Variants in ZNF487 observed in about 807,000 individuals in gnomAD.
ZNF487 encodes the protein KRAB domain only 1.
Under a neutral mutation model 3.0 loss-of-function variants are expected in ZNF487, and 4 were observed. The observed-to-expected ratio is 1.35, with a 90% CI of 0.66 to 3.08. The LOEUF (loss-of-function observed/expected upper bound fraction) is 3.08, where lower values mean the gene tolerates loss of function less well. ZNF487 is among the 30% of genes most tolerant of loss of function. The pLI is 0.01. For synonymous variants in ZNF487, 55 were observed against 34.6 expected (o/e 1.59, Z -2.06); for missense variants, 146 against 98.7 (o/e 1.48, Z -2.03).
chr10:43,459,612 G>A (rs1022567976), intron 1 of ZNF487, among the ~76,000 whole-genome samples: 2 of 151,890 alleles, frequency 1.3e-5, no homozygotes, highest in African/African-American at 4.8e-5. Context: ...ACTCTGTCAC[G>A]CAGTCTGGAG....
At chr10:43,493,679 CCCTT>C in the ZNF487 span, among the ~76,000 whole-genome samples, 1 of 102,456 alleles carries the variant, frequency 9.8e-6, no homozygotes, top group Non-Finnish European at 1.8e-5. Flanking sequence ...CAGAGCAAGA[CCCTT>C]CCTCAAAAAA....
the ZNF487 span, among the ~76,000 whole-genome samples, chr10:43,522,441 C>T: frequency 6.6e-6 from 1 of 151,988 alleles, no homozygotes; most frequent in Non-Finnish European, 1.5e-5. Context: ...TAGAGCAACA[C>T]CTGCTAGGAC....
At chr10:43,483,290 G>A, downstream of ZNF487, 1 of 367,352 alleles carries the variant, frequency 2.7e-6, no homozygotes, top group South Asian at 2.1e-5. Flanking sequence ...GCCCAGGCTG[G>A]AGTGCAATGG....
intron 1 of ZNF487, among the ~76,000 whole-genome samples, chr10:43,457,571 A>AG (rs1416824830): frequency 6.6e-6 from 1 of 150,936 alleles, no homozygotes; most frequent in African/African-American, 2.4e-5. Context: ...AAAAAAAAAA[A>AG]AAAAAGAAAA....
the ZNF487 span, among the ~76,000 whole-genome samples, chr10:43,502,375 C>A: frequency 2.6e-5 from 4 of 151,838 alleles, no homozygotes; most frequent in African/African-American, 4.8e-5. Flanking sequence ...CACACTGGGG[C>A]CTGTCGTGGG....
At chr10:43,443,466 C>T (rs947779911) in intron 1 of ZNF487, among the ~76,000 whole-genome samples, 19 of 146,532 alleles carry the variant, frequency 1.3e-4, no homozygotes, top group South Asian at 2.2e-4. Context: ...CTCCCCCTAC[C>T]GGGTTCAAGA....
At position 43,437,166 on chromosome 10, in the gene ZNF487, C is replaced by T. The variant is rs1265420196; in HGVS notation, c.-190C>T. 1 of 273,264 alleles carries T rather than the reference C, an allele frequency of 3.7e-6. No individual in the cohort carries two copies. The highest frequency in any genetic ancestry group is 2.7e-5 in the South Asian group (1 of 36,804). 16.9% of individuals were successfully genotyped at this position (273,264 alleles called of 1,614,324 possible). ...ATGGTCAACAAGCCTGTAAGTTCCT[C>T]AGCTACGACTACCAGGTACCTCGGG... On this transcript the variant is annotated 5_prime_UTR_variant, in exon 1 of 4. Coordinates refer to ENST00000437590, the MANE Select transcript of ZNF487 (RefSeq NM_001355444.3).
At chr10:43,520,524 G>A in the ZNF487 span, among the ~76,000 whole-genome samples, 50,611 of 152,008 alleles carry the variant, frequency 0.33, 9,472 homozygotes, top group African/African-American at 0.49. Flanking sequence ...AAAAGAAATC[G>A]GAGATAGAGC....
chr10:43,466,813 A>C (rs1012588518), intron 1 of ZNF487, among the ~76,000 whole-genome samples: 1 of 152,198 alleles, frequency 6.6e-6, no homozygotes, highest in Non-Finnish European at 1.5e-5. Context: ...ATGAGGTATG[A>C]AATTAATGTT....
At chr10:43,469,355 G>A (rs1029179893) in intron 1 of ZNF487, among the ~76,000 whole-genome samples, 9 of 151,924 alleles carry the variant, frequency 5.9e-5, no homozygotes, top group Admixed American at 3.3e-4. Context: ...CACCACACCC[G>A]GCTAATTTTT....
intron 1 of ZNF487, among the ~76,000 whole-genome samples, chr10:43,458,511 AG>A (rs1208444086): frequency 6.6e-6 from 1 of 152,204 alleles, no homozygotes; most frequent in Non-Finnish European, 1.5e-5. Context: ...GTTTGCCCTT[AG>A]CAGTTCCCAG....
chr10:43,507,275 A>G, the ZNF487 span, among the ~76,000 whole-genome samples: 1 of 152,152 alleles, frequency 6.6e-6, no homozygotes, highest in Non-Finnish European at 1.5e-5. Flanking sequence ...GGAGCTATAC[A>G]GATGTTATTT....
the ZNF487 span, among the ~76,000 whole-genome samples, chr10:43,517,753 C>A: frequency 4.6e-5 from 7 of 152,160 alleles, no homozygotes; most frequent in South Asian, 2.1e-4. Context: ...TAGGATGGAG[C>A]CACACCCGAG....
chr10:43,507,215 A>T, the ZNF487 span, among the ~76,000 whole-genome samples: 49 of 152,218 alleles, frequency 3.2e-4, no homozygotes, highest in African/African-American at 1.2e-3. Flanking sequence ...GTCAGGCCAG[A>T]TCTCTTTTGT....
intron 1 of ZNF487, among the ~76,000 whole-genome samples, chr10:43,464,241 TG>T (rs1459190371): frequency 1.3e-5 from 2 of 151,480 alleles, no homozygotes; most frequent in African/African-American, 2.4e-5. Context: ...TGGAGTGCAG[TG>T]GCATGATCTT....
At chr10:43,446,921 C>T (rs995606932) in intron 1 of ZNF487, among the ~76,000 whole-genome samples, 2 of 152,094 alleles carry the variant, frequency 1.3e-5, no homozygotes, top group African/African-American at 2.4e-5. Flanking sequence ...ACTGAGTGAG[C>T]GAGACTCTGT....
chr10:43,450,970 G>A (rs757180054), intron 1 of ZNF487, among the ~76,000 whole-genome samples: 12 of 151,928 alleles, frequency 7.9e-5, no homozygotes, highest in Non-Finnish European at 1.6e-4. Context: ...TTTTTGAGAT[G>A]GAGTTTCGCT....
intron 1 of ZNF487, among the ~76,000 whole-genome samples, chr10:43,443,053 C>T (rs1402204357): frequency 1.5e-5 from 2 of 137,480 alleles, no homozygotes; most frequent in Admixed American, 8.1e-5. Context: ...TAAACTTACT[C>T]GTTCTAGCTT....
rs1031812363 is a variant in ZNF487 at position 43,475,709 on chromosome 10, G to A, written c.-93-12G>A. 4 of 779,486 alleles carry A rather than the reference G, an allele frequency of 5.1e-6. No homozygotes were observed. The highest frequency in any genetic ancestry group is 2.7e-5 in the South Asian group (2 of 74,428). The allele number at this position is 779,486 out of a possible 1,614,324, so 48.3% of individuals were successfully genotyped here. On this transcript the variant is annotated splice_polypyrimidine_tract_variant and intron_variant, in intron 1 of 3. Coordinates refer to ENST00000437590, the MANE Select transcript of ZNF487 (RefSeq NM_001355444.3). ...TGATCACTGTAGAATGAAAACAAAT[G>A]TACTGTTCTAGGGATCAGTGTCCTT...
Sources: allele counts gnomAD v4.1 joint callset (sites outside exome capture counted in the v4.1 genomes callset), GRCh38; gene constraint gnomAD v4.1.1; transcripts MANE v1.5; gene names NCBI Gene and HGNC (gene_info 2026-07-23, HGNC 2026-07-21).